The following UST variants were observed in gnomAD, a reference collection of about 807,000 sequenced individuals.
UST encodes the protein uronyl 2-sulfotransferase, also known as chondroitin sulfate 2-O-sulfotransferase.
A neutral mutation model predicts 45.6 loss-of-function variants in UST; 21 were observed. That is an observed-to-expected ratio of 0.46 (90% CI 0.33 to 0.66). The LOEUF is 0.66. Among genes scored for constraint, UST ranks in the 30% least tolerant of loss-of-function variants. The probability of loss-of-function intolerance (pLI) is 0.02; values close to 1 mark genes in which losing one functional copy is unlikely to be tolerated. For synonymous variants in UST, 215 were observed against 200.6 expected (o/e 1.07, Z -0.61); for missense variants, 463 against 512.4 (o/e 0.90, Z 0.93).
At chr6:148,900,622 A>G (rs912112885) in intron 2 of UST, among the ~76,000 whole-genome samples, 1 of 152,202 alleles carries the variant, frequency 6.6e-6, no homozygotes, top group Admixed American at 6.5e-5. Flanking sequence ...AGTCTGGGAT[A>G]TGTCTTTATC....
At chr6:148,969,640 G>A (rs1364584384) in intron 5 of UST, among the ~76,000 whole-genome samples, 1 of 152,130 alleles carries the variant, frequency 6.6e-6, no homozygotes, top group Non-Finnish European at 1.5e-5. Context: ...CTCCGTTACT[G>A]GCTCCACATG....
intron 3 of UST, among the ~76,000 whole-genome samples, chr6:148,947,006 G>T (rs1310464082): frequency 6.6e-6 from 1 of 151,178 alleles, no homozygotes; most frequent in African/African-American, 2.4e-5. Flanking sequence ...TGTTAGGAAA[G>T]CATTATTGCC....
intron 1 of UST, among the ~76,000 whole-genome samples, chr6:148,765,117 T>C (rs1312407400): frequency 6.6e-6 from 1 of 152,238 alleles, no homozygotes; most frequent in East Asian, 1.9e-4. Context: ...TTTAAGGTTA[T>C]CTCCCTTGTT....
intron 7 of UST, among the ~76,000 whole-genome samples, chr6:149,069,594 C>G (rs2115046168): frequency 1.3e-5 from 2 of 152,224 alleles, no homozygotes; most frequent in Non-Finnish European, 2.9e-5. Flanking sequence ...AGTTATTTAC[C>G]TGCTCTGCCC....
chr6:149,047,169 A>T (rs1431397776), intron 7 of UST, among the ~76,000 whole-genome samples: 5 of 152,340 alleles, frequency 3.3e-5, no homozygotes, highest in African/African-American at 9.6e-5. Context: ...AAAAATATAT[A>T]CACACCCCAT....
chr6:149,042,539 G>A (rs1235068541), intron 7 of UST, among the ~76,000 whole-genome samples: 1 of 152,164 alleles, frequency 6.6e-6, no homozygotes, highest in Non-Finnish European at 1.5e-5. Context: ...CCTGCCACCC[G>A]TGGTCCAGCA....
At position 148,826,619 on chromosome 6, in the gene UST, A is replaced by G. The variant is rs529534570; in HGVS notation, c.248-60367A>G. On this transcript the variant is annotated intron_variant, in intron 1 of 7. Transcript: ENST00000367463. Reference sequence around the variant, plus strand: ...TTCTGGGCAATCATTGGCATGGTCTAACTTTCAACTTTATGTACCTGTATT... The same window carrying G: ...TTCTGGGCAATCATTGGCATGGTCTGACTTTCAACTTTATGTACCTGTATT... 3.8e-4 allele frequency among the ~76,000 whole-genome samples: 58 copies of G among 152,294 alleles called. No individual in the cohort carries two copies. The South Asian group carries it at 0.012, about 30-fold the overall frequency.
chr6:148,814,070 A>G (rs112755855), intron 1 of UST, among the ~76,000 whole-genome samples: 1 of 152,228 alleles, frequency 6.6e-6, no homozygotes, highest in Non-Finnish European at 1.5e-5. Flanking sequence ...ATTAAATTTT[A>G]TAGCACCTTC....
intron 3 of UST, among the ~76,000 whole-genome samples, chr6:148,947,411 C>T (rs891599986): frequency 3.3e-5 from 5 of 152,192 alleles, no homozygotes; most frequent in African/African-American, 1.2e-4. Flanking sequence ...AAATACAGAG[C>T]TAAACTTGTA....
At chr6:148,941,176 T>G in intron 2 of UST, 103 bp from the exon 3 acceptor site, 2 of 1,409,396 alleles carry the variant, frequency 1.4e-6, no homozygotes, top group East Asian at 2.3e-5. Context: ...CCTTTTTCAC[T>G]CAGATTTATT....
At chr6:148,827,725 TAAAA>T (rs200443668) in intron 1 of UST, among the ~76,000 whole-genome samples, 2 of 118,362 alleles carry the variant, frequency 1.7e-5, no homozygotes, top group Non-Finnish European at 3.7e-5. Context: ...TTCTAGTTTG[TAAAA>T]AAAAAAAAAA....
chr6:149,040,533 T>C (rs1776297350), intron 7 of UST, among the ~76,000 whole-genome samples: 1 of 152,034 alleles, frequency 6.6e-6, no homozygotes, highest in Admixed American at 6.5e-5. Flanking sequence ...TGCATGCCTG[T>C]AATCCCAGCT....
intron 1 of UST, among the ~76,000 whole-genome samples, chr6:148,752,193 T>A (rs1460619711): frequency 2.0e-5 from 3 of 152,254 alleles, no homozygotes; most frequent in Non-Finnish European, 4.4e-5. Flanking sequence ...TGAAATTCTC[T>A]AAGTTTAAGT....
chr6:148,939,587 G>A (rs1207351194), intron 2 of UST, among the ~76,000 whole-genome samples: 1 of 152,106 alleles, frequency 6.6e-6, no homozygotes, highest in Non-Finnish European at 1.5e-5. Context: ...TTTGACAAGG[G>A]TACTAAACAG....
intron 1 of UST, among the ~76,000 whole-genome samples, chr6:148,845,607 AG>A (rs1407175389): frequency 6.6e-6 from 1 of 152,190 alleles, no homozygotes; most frequent in African/African-American, 2.4e-5. Context: ...AATCTTTTTG[AG>A]GACATATGCT....
At chr6:148,825,698 A>G (rs569952423) in intron 1 of UST, among the ~76,000 whole-genome samples, 3 of 152,314 alleles carry the variant, frequency 2.0e-5, no homozygotes, top group South Asian at 2.1e-4. Context: ...TGAGCTCAAC[A>G]GAAGCTGACT....
chr6:148,943,299 A>G (rs1328908966), intron 3 of UST, among the ~76,000 whole-genome samples: 1 of 152,190 alleles, frequency 6.6e-6, no homozygotes, highest in Non-Finnish European at 1.5e-5. Flanking sequence ...AGGAGAGACA[A>G]CAAACTACCT....
chr6:148,996,752 C>T (rs1781460973), intron 5 of UST, among the ~76,000 whole-genome samples: 1 of 152,106 alleles, frequency 6.6e-6, no homozygotes, highest in Non-Finnish European at 1.5e-5. Context: ...CATTTCAGTA[C>T]TTATGTGTGT....
At chr6:148,974,743 G>A (rs948284176) in intron 5 of UST, among the ~76,000 whole-genome samples, 6 of 152,170 alleles carry the variant, frequency 3.9e-5, no homozygotes, top group Admixed American at 1.3e-4. Flanking sequence ...AGCCCCAGCC[G>A]CCTAATGGGT....
Sources: gnomAD v4.1 joint callset for allele counts (sites outside exome capture counted in the v4.1 genomes callset) on GRCh38, gnomAD v4.1.1 for gene constraint, MANE v1.5 for transcripts, NCBI Gene and HGNC (gene_info 2026-07-23, HGNC 2026-07-21) for gene names.